The following SLC9A8 variants were observed in gnomAD, a reference collection of about 807,000 sequenced individuals.
The protein encoded by SLC9A8 is solute carrier family 9 member A8, also known as sodium/hydrogen exchanger 8.
In SLC9A8, 48 loss-of-function variants were observed where a neutral mutation model predicts 66.6. That is an observed-to-expected ratio of 0.72 (90% confidence interval 0.57 to 0.92). The LOEUF is 0.92. SLC9A8 is among the 40% of genes least tolerant of loss of function. SLC9A8 has a pLI of 0.00. For missense variants in SLC9A8, 599 were observed against 747.3 expected (o/e 0.80, Z 2.31); for synonymous variants, 274 against 282.6 (o/e 0.97, Z 0.31).
intron 8 of SLC9A8, among the ~76,000 whole-genome samples, chr20:49,857,016 C>G (rs2088521176): frequency 6.6e-6 from 1 of 152,116 alleles, no homozygotes; most frequent in African/African-American, 2.4e-5. Flanking sequence ...ATATATTTTT[C>G]TGATGCAGGG....
intron 6 of SLC9A8, among the ~76,000 whole-genome samples, chr20:49,850,024 A>G (rs963251308): frequency 2.6e-5 from 4 of 152,260 alleles, no homozygotes; most frequent in African/African-American, 9.6e-5. Context: ...GTTGTCAAGT[A>G]GACTGAATTG....
intron 8 of SLC9A8, among the ~76,000 whole-genome samples, chr20:49,861,042 C>T (rs2088712780): frequency 6.6e-6 from 1 of 152,056 alleles, no homozygotes; most frequent in South Asian, 2.1e-4. Flanking sequence ...ACCCTGGGTT[C>T]TGAGGGATGA....
chr20:49,883,443 G>A (rs902606342), intron 13 of SLC9A8, among the ~76,000 whole-genome samples: 4 of 152,182 alleles, frequency 2.6e-5, no homozygotes, highest in African/African-American at 7.2e-5. Context: ...GCGCTGCTCG[G>A]TGAGGATTCC....
chr20:49,815,774 T>G (rs2086528529), intron 2 of SLC9A8, among the ~76,000 whole-genome samples: 1 of 151,314 alleles, frequency 6.6e-6, no homozygotes, highest in Non-Finnish European at 1.5e-5. Flanking sequence ...AACATCTAGT[T>G]TAATGGATTT....
intron 3 of SLC9A8, among the ~76,000 whole-genome samples, chr20:49,832,186 TTCTG>T (rs538382539): frequency 4.0e-4 from 61 of 152,198 alleles, no homozygotes; most frequent in Non-Finnish European, 7.5e-4. Flanking sequence ...CAGTATTTCT[TTCTG>T]TCTGTCTGTC....
intron 12 of SLC9A8, among the ~76,000 whole-genome samples, chr20:49,878,980 C>A (rs1363450265): frequency 3.9e-5 from 6 of 151,988 alleles, no homozygotes; most frequent in African/African-American, 7.3e-5. Flanking sequence ...TGAGATCATG[C>A]CATTTGCACC....
intron 7 of SLC9A8, among the ~76,000 whole-genome samples, chr20:49,852,415 G>A (rs1446048766): frequency 6.6e-6 from 1 of 152,092 alleles, no homozygotes; most frequent in Non-Finnish European, 1.5e-5. Context: ...AACATGAGAG[G>A]GGACCACAGA....
chr20:49,862,949 GA>G lies in SLC9A8; in HGVS notation c.740del (p.Asn247IlefsTer34), dbSNP rs2088808536. 2 of 1,612,590 alleles carry G rather than the reference GA, an allele frequency of 1.2e-6. No homozygotes were observed. The highest frequency in any genetic ancestry group is 1.3e-5 in the African/African-American group (1 of 74,882). ...VLTNTAEGLT[R>X]KNMSDVSGWQ... ...CCTAGCACAGCTGAAGGTTTAACAA[GA>G]AAAAATATGTCAGATGTCAGTGGGT... On this transcript the variant is annotated frameshift_variant, in exon 9 of 16. Transcript: ENST00000361573. LOFTEE classifies it high-confidence loss of function.
chr20:49,818,828 G>A (rs2086643067), intron 2 of SLC9A8, among the ~76,000 whole-genome samples: 1 of 152,168 alleles, frequency 6.6e-6, no homozygotes, highest in Admixed American at 6.5e-5. Context: ...AAAAATTGCT[G>A]TTATTAGGTA....
Position 49,839,614 on chromosome 20 carries a change from T to G in SLC9A8, c.348+15T>G, listed in dbSNP as rs371628845. Reference sequence around the variant, plus strand: ...CGAATTGGAAGGTAGGTTTGCCCTTTGGTTGTTCTTAATTTTAGTAACATT... The same window carrying G: ...CGAATTGGAAGGTAGGTTTGCCCTTGGGTTGTTCTTAATTTTAGTAACATT... On this transcript the variant is annotated intron_variant, in intron 4 of 15. Coordinates refer to ENST00000361573, the MANE Select transcript of SLC9A8 (RefSeq NM_015266.3). The G allele has an allele frequency of 6.4e-7, 1 of 1,571,704 alleles. No homozygotes were observed. The highest frequency in any genetic ancestry group is 1.4e-5 in the African/African-American group (1 of 73,966).
chr20:49,852,649 C>T (rs959218843), intron 7 of SLC9A8, among the ~76,000 whole-genome samples: 12 of 152,170 alleles, frequency 7.9e-5, no homozygotes, highest in African/African-American at 2.4e-4. Context: ...GTTTAAAAGG[C>T]GAGGTCTTAA....
At chr20:49,834,403 GT>G (rs2087416227) in intron 3 of SLC9A8, among the ~76,000 whole-genome samples, 11 of 44,542 alleles carry the variant, frequency 2.5e-4, no homozygotes, top group South Asian at 5.0e-4. Context: ...TATATATACT[GT>G]GTATATATAT....
At chr20:49,876,298 G>C (rs1217899800) in intron 11 of SLC9A8, among the ~76,000 whole-genome samples, 1 of 152,134 alleles carries the variant, frequency 6.6e-6, no homozygotes, top group Non-Finnish European at 1.5e-5. Flanking sequence ...GACACATAAA[G>C]CAAATCGTCC....
In SLC9A8 at chr20:49,886,979, G is replaced by A; in HGVS notation, c.1638+81G>A. Reference sequence around the variant, plus strand: ...ACCTGCGGTGGCCCAGGGTGGGGTGGAGGAAGAGTGGGGAGGCAGGAAAGC... The same window carrying A: ...ACCTGCGGTGGCCCAGGGTGGGGTGAAGGAAGAGTGGGGAGGCAGGAAAGC... On this transcript the variant is annotated intron_variant, in intron 15 of 15. Coordinates refer to ENST00000361573, the MANE Select transcript of SLC9A8 (RefSeq NM_015266.3). The surrounding 1 kb of genome is among the most constrained non-coding windows in gnomAD (Gnocchi z 4.8). 2 of 1,481,572 alleles carry A rather than the reference G, an allele frequency of 1.3e-6. No homozygotes were observed. Among genetic ancestry groups the A allele is most frequent in the Non-Finnish European group, 1.8e-6 (2 of 1,093,508 alleles). 91.8% of individuals were successfully genotyped at this position (1,481,572 alleles called of 1,614,324 possible).
chr20:49,818,044 T>C (rs948030464), intron 2 of SLC9A8, among the ~76,000 whole-genome samples: 10 of 152,202 alleles, frequency 6.6e-5, no homozygotes, highest in African/African-American at 2.4e-4. Flanking sequence ...AAAAAACTTT[T>C]GTAATCACTT....
At chr20:49,827,353 A>G (rs553632230) in intron 3 of SLC9A8, among the ~76,000 whole-genome samples, 1 of 151,718 alleles carries the variant, frequency 6.6e-6, no homozygotes, top group South Asian at 2.1e-4. Context: ...CTGTAATCCC[A>G]GCACTTTGGG....
At chr20:49,844,675 A>G (rs544089486) in intron 4 of SLC9A8, among the ~76,000 whole-genome samples, 3 of 149,704 alleles carry the variant, frequency 2.0e-5, no homozygotes, top group South Asian at 2.1e-4. Context: ...TAGCACGCAC[A>G]TGTAGTCCCA....
chr20:49,855,799 C>CT (rs71339462), intron 8 of SLC9A8, among the ~76,000 whole-genome samples: 10 of 151,022 alleles, frequency 6.6e-5, no homozygotes, highest in South Asian at 2.1e-4. Flanking sequence ...GAGAGTCCAC[C>CT]TTTTTTTTTG....
chr20:49,834,388 G>GTGTATATATATATACACTGTA (rs2087408728), intron 3 of SLC9A8, among the ~76,000 whole-genome samples: 4 of 58,846 alleles, frequency 6.8e-5, no homozygotes, highest in Non-Finnish European at 1.2e-4. Flanking sequence ...TATATACTGT[G>GTGTATATATATATACACTGTA]TATATATATA....
Sources: gnomAD v4.1 joint callset for allele counts (sites outside exome capture counted in the v4.1 genomes callset) on GRCh38, gnomAD v4.1.1 for gene constraint, Gnocchi (gnomAD v3.1) non-coding constraint, MANE v1.5 for transcripts, NCBI Gene and HGNC (gene_info 2026-07-23, HGNC 2026-07-21) for gene names.